The following ITGBL1 variants were observed in gnomAD, a reference collection of about 807,000 sequenced individuals.
ITGBL1 encodes the protein integrin subunit beta like 1, also known as integrin beta-like protein 1.
ITGBL1 carries 51 observed loss-of-function variants against 68.5 expected under a neutral mutation model. That is an observed-to-expected ratio of 0.74 (90% confidence interval 0.59 to 0.94). ITGBL1 has a LOEUF of 0.94. Among genes scored for constraint, ITGBL1 ranks in the 40% least tolerant of loss-of-function variants. The pLI, the probability that ITGBL1 is intolerant of heterozygous loss-of-function variation, is 0.00. For synonymous variants in ITGBL1, 209 were observed against 227.3 expected (o/e 0.92, Z 0.72); for missense variants, 649 against 647.4 (o/e 1.00, Z -0.03).
chr13:101,556,670 A>G (rs926854084), intron 2 of ITGBL1, among the ~76,000 whole-genome samples: 6 of 152,110 alleles, frequency 3.9e-5, no homozygotes, highest in Non-Finnish European at 8.8e-5. Context: ...ACACAGAGAC[A>G]TGACTGGAGA....
intron 7 of ITGBL1, among the ~76,000 whole-genome samples, chr13:101,654,080 A>T (rs1370929457): frequency 1.3e-5 from 2 of 151,894 alleles, no homozygotes; most frequent in Non-Finnish European, 2.9e-5. Context: ...TTTGGGGGGA[A>T]TTCTTTACAA....
At chr13:101,624,784 C>T (rs1306060582) in intron 7 of ITGBL1, among the ~76,000 whole-genome samples, 1 of 152,186 alleles carries the variant, frequency 6.6e-6, no homozygotes, top group African/African-American at 2.4e-5. Flanking sequence ...AGGAGAACCT[C>T]CCCATCAGGG....
At position 101,539,534 on chromosome 13, in the gene ITGBL1, C is replaced by A. The variant is rs569947595; in HGVS notation, c.317-28165C>A. ...CATAGGTGTGCATGTGTCTTTATAG[C>A]AGGATGATTTATAGTACTTTGGGTA... On this transcript the variant is annotated intron_variant, in intron 2 of 10. Transcript: ENST00000376180. Among the ~76,000 whole-genome samples, 17 of 152,108 alleles carry A rather than the reference C, an allele frequency of 1.1e-4. 1 individual carries two copies. In the South Asian group the frequency reaches 3.5e-3, roughly 32 times the overall value.
intron 9 of ITGBL1, among the ~76,000 whole-genome samples, chr13:101,708,730 T>C (rs550493199): frequency 5.2e-4 from 79 of 152,352 alleles, no homozygotes; most frequent in African/African-American, 1.9e-3. Flanking sequence ...AATGCAGATG[T>C]ATTCACTTCA....
Position 101,656,138 on chromosome 13 carries a change from A to C in ITGBL1, c.1016-36447A>C, listed in dbSNP as rs560611076. Among the ~76,000 whole-genome samples, 455 of 152,306 alleles carry C rather than the reference A, an allele frequency of 3.0e-3. 1 individual carries two copies. The highest frequency in any genetic ancestry group is 0.01 in the African/African-American group (423 of 41,574). On this transcript the variant is annotated intron_variant, in intron 7 of 10. Transcript: ENST00000376180. The stretch of plus-strand genomic sequence containing the variant: ...TTGAGTTTGTCTGAAGACCTGGGAT[A>C]TATAGAAAGGAAATGTTCAGATTAA...
intron 2 of ITGBL1, among the ~76,000 whole-genome samples, chr13:101,478,430 G>A (rs4566012): frequency 0.14 from 21,646 of 151,994 alleles, 2,050 homozygotes; most frequent in East Asian, 0.43. Context: ...AACACGATAC[G>A]GATGCCCACT....
chr13:101,559,652 C>A (rs1484818795), intron 2 of ITGBL1, among the ~76,000 whole-genome samples: 1 of 152,152 alleles, frequency 6.6e-6, no homozygotes, highest in Non-Finnish European at 1.5e-5. Flanking sequence ...CAGAACTAAA[C>A]AGATAATGTT....
At chr13:101,574,434 C>A in intron 3 of ITGBL1, among the ~76,000 whole-genome samples, 1 of 152,122 alleles carries the variant, frequency 6.6e-6, no homozygotes, top group East Asian at 1.9e-4. Context: ...TCAGTTAAAT[C>A]CCCTTGCTAT....
intron 7 of ITGBL1, among the ~76,000 whole-genome samples, chr13:101,601,836 G>A (rs541756382): frequency 1.2e-4 from 18 of 152,112 alleles, no homozygotes; most frequent in Non-Finnish European, 2.4e-4. Context: ...TACATTTGCT[G>A]AGGAGTGCTT....
chr13:101,645,620 C>T (rs2139440215), intron 7 of ITGBL1, among the ~76,000 whole-genome samples: 1 of 152,216 alleles, frequency 6.6e-6, no homozygotes, highest in African/African-American at 2.4e-5. Flanking sequence ...GCATAGTTTG[C>T]AGGTTCTATG....
At chr13:101,660,975 T>C (rs1044746397) in intron 7 of ITGBL1, among the ~76,000 whole-genome samples, 19 of 152,200 alleles carry the variant, frequency 1.2e-4, no homozygotes, top group Non-Finnish European at 2.6e-4. Flanking sequence ...ATCCAGATGC[T>C]CTATAGTCTT....
chr13:101,539,501 G>A (rs2049647888), intron 2 of ITGBL1, among the ~76,000 whole-genome samples: 2 of 152,116 alleles, frequency 1.3e-5, no homozygotes, highest in South Asian at 2.1e-4. Context: ...CAGTAGTGCC[G>A]CAGAAAACAT....
chr13:101,581,441 A>G (rs2050456356), intron 5 of ITGBL1, among the ~76,000 whole-genome samples: 1 of 152,134 alleles, frequency 6.6e-6, no homozygotes, highest in African/African-American at 2.4e-5. Context: ...TTGGTACATG[A>G]GCTTTCAGTC....
chr13:101,651,017 T>C lies in ITGBL1; in HGVS notation c.1016-41568T>C, dbSNP rs867458547. 2.0e-5 allele frequency among the ~76,000 whole-genome samples: 3 copies of C among 152,252 alleles called. No homozygotes were observed. In the South Asian group the frequency reaches 6.2e-4, roughly 31 times the overall value. On this transcript the variant is annotated intron_variant, in intron 7 of 10. Coordinates refer to ENST00000376180, the MANE Select transcript of ITGBL1 (RefSeq NM_004791.3). ...TATGGCTGCATAGTATTTCATGGTG[T>C]ATGTGTACCACATTTTCTTTAGTCT...
At chr13:101,632,117 A>C (rs2032002335) in intron 7 of ITGBL1, among the ~76,000 whole-genome samples, 2 of 151,184 alleles carry the variant, frequency 1.3e-5, no homozygotes, top group African/African-American at 2.5e-5. Flanking sequence ...AAAGTCACAC[A>C]TGGATAAAAT....
At chr13:101,470,991 A>G (rs1046755486) in intron 2 of ITGBL1, among the ~76,000 whole-genome samples, 4 of 152,232 alleles carry the variant, frequency 2.6e-5, no homozygotes, top group African/African-American at 7.2e-5. Flanking sequence ...TGTCTGAAAT[A>G]AAAACTGTGC....
intron 2 of ITGBL1, among the ~76,000 whole-genome samples, chr13:101,468,421 A>T (rs1012813096): frequency 6.6e-6 from 1 of 152,194 alleles, no homozygotes; most frequent in African/African-American, 2.4e-5. Flanking sequence ...CATACATATG[A>T]ATTCATTCAC....
chr13:101,620,147 A>C (rs951084361), intron 7 of ITGBL1, among the ~76,000 whole-genome samples: 3 of 152,104 alleles, frequency 2.0e-5, no homozygotes, highest in Non-Finnish European at 4.4e-5. Flanking sequence ...TTGTTTTACT[A>C]TTTTTACATT....
intron 2 of ITGBL1, among the ~76,000 whole-genome samples, chr13:101,492,479 T>G (rs2048793944): frequency 6.6e-6 from 1 of 152,172 alleles, no homozygotes. Flanking sequence ...TTTTTGTAAT[T>G]TACAGTGGAT....
Sources: gnomAD v4.1 joint callset for allele counts (sites outside exome capture counted in the v4.1 genomes callset) on GRCh38, gnomAD v4.1.1 for gene constraint, MANE v1.5 for transcripts, NCBI Gene and HGNC (gene_info 2026-07-23, HGNC 2026-07-21) for gene names.